The following KDELR1 variants were observed in gnomAD, a reference collection of about 807,000 sequenced individuals.
KDELR1 encodes KDEL endoplasmic reticulum protein retention receptor 1.
In KDELR1, 16 loss-of-function variants were observed where a neutral mutation model predicts 25.5. The observed-to-expected ratio is 0.63, with a 90% confidence interval of 0.43 to 0.95. KDELR1 has a LOEUF of 0.95. Among genes scored for constraint, KDELR1 ranks in the 40% least tolerant of loss-of-function variants. The pLI, the probability that KDELR1 is intolerant of heterozygous loss-of-function variation, is 0.00. For missense variants in KDELR1, 159 were observed against 265.2 expected (o/e 0.60, Z 2.78); for synonymous variants, 121 against 115.0 (o/e 1.05, Z -0.33).
intron 1 of KDELR1, chr19:48,390,894 T>G (rs1970543172): frequency 2.3e-6 from 1 of 435,100 alleles, no homozygotes; most frequent in African/African-American, 2.0e-5. Flanking sequence ...TTCCCTGACC[T>G]CAGGCCCCGG....
chr19:48,384,601 T>C lies in KDELR1; in HGVS notation c.352-119A>G. ...GAGAGAAGGAAGGTGATCCAGGTGC[T>C]GCCAAGTGCCAGACACAGTTCTGCC... On this transcript the variant is annotated intron_variant, in intron 3 of 4. Coordinates refer to ENST00000330720, the MANE Select transcript of KDELR1 (RefSeq NM_006801.3). This position sits in a 1 kb window ranked among gnomAD's most constrained non-coding sequence, Gnocchi z 4.6. 11 of 1,272,674 alleles carry C rather than the reference T, an allele frequency of 8.6e-6. No individual in the cohort carries two copies. The highest frequency in any genetic ancestry group is 1.2e-5 in the Non-Finnish European group (11 of 926,798). The allele number at this position is 1,272,674 out of a possible 1,614,324, so 78.8% of individuals were successfully genotyped here. A position where few individuals can be genotyped will look rare whatever the true frequency, so the allele number is the denominator to read the frequency against.
chr19:48,386,962 T>G lies in KDELR1; in HGVS notation c.352-2480A>C, dbSNP rs1251937149. Among the ~76,000 whole-genome samples the G allele has an allele frequency of 4.6e-5, 7 of 150,632 alleles. No individual in the cohort carries two copies. The Admixed American group carries it at 4.7e-4, about 10-fold the overall frequency. On this transcript the variant is annotated intron_variant, in intron 3 of 4. Transcript: ENST00000330720. ...GGCTCATGCCTGTAATCCCAGCTAC[T>G]CGGGACGCTGAGGCACGAGAATTGC...
intron 2 of KDELR1, 82 bp from the exon 3 acceptor site, chr19:48,389,793 C>T: frequency 6.7e-7 from 1 of 1,482,664 alleles, no homozygotes; most frequent in Non-Finnish European, 9.3e-7. Context: ...CCAGGCCCCT[C>T]CCTCAGACGC....
intron 3 of KDELR1, 194 bp downstream of exon 3, chr19:48,389,359 G>A: frequency 3.2e-6 from 2 of 618,756 alleles, no homozygotes; most frequent in South Asian, 3.9e-5. Flanking sequence ...TTAGGGTAGT[G>A]ACTGACACAT....
chr19:48,391,615 G>A, upstream of KDELR1: 1 of 498,794 alleles, frequency 2.0e-6, no homozygotes, highest in Non-Finnish European at 3.6e-6. Flanking sequence ...GGCGGGGCCT[G>A]GATCCCCGGC....
chr19:48,387,687 G>GAAAAAAAAAAAAAAAAA (rs957905797), intron 3 of KDELR1: 1 of 87,002 alleles, frequency 1.1e-5, no homozygotes. Context: ...TCTCAAAAAA[G>GAAAAAAAAAAAAAAAAA]AAAAAAAAAA....
At chr19:48,396,289 C>T (rs141668180), upstream of KDELR1, among the ~76,000 whole-genome samples, 1 of 151,898 alleles carries the variant, frequency 6.6e-6, no homozygotes. Context: ...CTCCTCAGGC[C>T]CTGGAGTGGG....
At chr19:48,390,633 A>C (rs1569053525) in intron 1 of KDELR1, 109 bp from the exon 2 acceptor site, 2 of 801,052 alleles carry the variant, frequency 2.5e-6, no homozygotes, top group Non-Finnish European at 2.0e-6. Context: ...GGTGGGCTGC[A>C]TGGGCAATAA....
intron 4 of KDELR1, 41 bp from the exon 5 acceptor site, chr19:48,383,368 C>A (rs200738103): frequency 6.5e-7 from 1 of 1,546,934 alleles, no homozygotes; most frequent in East Asian, 2.4e-5. Context: ...CCGCTGGGGC[C>A]CCTGCAGGGA....
chr19:48,391,207 C>A (rs1970546902), intron 1 of KDELR1, 61 bp downstream of exon 1: 3 of 1,437,322 alleles, frequency 2.1e-6, no homozygotes, highest in Non-Finnish European at 2.9e-6. Flanking sequence ...CTGAGTCCTG[C>A]GACGTCCCCC....
intron 3 of KDELR1, among the ~76,000 whole-genome samples, chr19:48,386,421 A>C (rs1025614465): frequency 1.5e-5 from 2 of 135,718 alleles, no homozygotes; most frequent in African/African-American, 2.8e-5. Flanking sequence ...CCAGTCTTGC[A>C]TTTTTATCTA....
upstream of KDELR1, chr19:48,394,840 GCT>G (rs1455227465): frequency 1.3e-5 from 2 of 154,522 alleles, no homozygotes; most frequent in Non-Finnish European, 2.9e-5. The surrounding 1 kb of genome is among the most constrained non-coding windows in gnomAD (Gnocchi z 5.1). Flanking sequence ...CCCGACATCG[GCT>G]CTCTGAGCCC....
At chr19:48,394,838 CG>C (rs1369348164), upstream of KDELR1, 3 of 154,574 alleles carry the variant, frequency 1.9e-5, no homozygotes, top group African/African-American at 7.2e-5. This position sits in a 1 kb window ranked among gnomAD's most constrained non-coding sequence, Gnocchi z 5.1. Flanking sequence ...CCCCCGACAT[CG>C]GCTCTCTGAG....
upstream of KDELR1, among the ~76,000 whole-genome samples, chr19:48,391,869 CT>C (rs1970559044): frequency 6.6e-6 from 1 of 152,148 alleles, no homozygotes; most frequent in South Asian, 2.1e-4. Context: ...CAGCTGCTAG[CT>C]TTTGCAGCTT....
chr19:48,390,899 C>A, intron 1 of KDELR1: 1 of 438,934 alleles, frequency 2.3e-6, no homozygotes, highest in Non-Finnish European at 4.2e-6. Flanking sequence ...TGACCTCAGG[C>A]CCCGGATCCG....
At chr19:48,388,794 A>G (rs1372535671) in intron 3 of KDELR1, among the ~76,000 whole-genome samples, 3 of 150,042 alleles carry the variant, frequency 2.0e-5, no homozygotes, top group Admixed American at 6.6e-5. Flanking sequence ...GAAAGGAAAG[A>G]AAGAGAAAGA....
intron 1 of KDELR1, chr19:48,390,832 C>T (rs887504467): frequency 2.3e-6 from 1 of 437,988 alleles, no homozygotes; most frequent in Admixed American, 3.8e-5. Flanking sequence ...CTACCCCTGG[C>T]CCCTCAGGGT....
chr19:48,395,879 G>A (rs376420732), upstream of KDELR1, among the ~76,000 whole-genome samples: 5 of 152,064 alleles, frequency 3.3e-5, no homozygotes, highest in African/African-American at 4.8e-5. Context: ...TTCCTGCAGG[G>A]AGAGGAGGCT....
At chr19:48,394,777 C>G (rs902056241), upstream of KDELR1, 1 of 155,780 alleles carries the variant, frequency 6.4e-6, no homozygotes, top group Admixed American at 6.5e-5. This position sits in a 1 kb window ranked among gnomAD's most constrained non-coding sequence, Gnocchi z 5.1. Context: ...GACAGGAGGT[C>G]CGGGCTGCCG....
Sources: allele counts gnomAD v4.1 joint callset (sites outside exome capture counted in the v4.1 genomes callset), GRCh38; gene constraint gnomAD v4.1.1; non-coding constraint Gnocchi (gnomAD v3.1); transcripts MANE v1.5; gene names NCBI Gene and HGNC (gene_info 2026-07-23, HGNC 2026-07-21).